SMYD3: variants seen among roughly 807,000 people sequenced by gnomAD.
SMYD3 encodes the protein SET and MYND domain containing 3.
Under a neutral mutation model 57.7 loss-of-function variants are expected in SMYD3, and 36 were observed. The observed-to-expected ratio is 0.62, with a 90% CI of 0.48 to 0.82. SMYD3 has a LOEUF of 0.82. Ranked by LOEUF, SMYD3 falls within the 40% of genes least tolerant of loss-of-function variation. The pLI is 0.00. For missense variants in SMYD3, 515 were observed against 538.8 expected, an observed-to-expected ratio of 0.96 and a Z score of 0.44; for synonymous variants, 211 against 195.0, an observed-to-expected ratio of 1.08 and a Z score of -0.68.
intron 5 of SMYD3, among the ~76,000 whole-genome samples, chr1:246,134,387 T>C (rs2061635001): frequency 6.6e-6 from 1 of 152,092 alleles, no homozygotes; most frequent in African/African-American, 2.4e-5. Flanking sequence ...ATGTATTCAA[T>C]TCAGCTAGAT....
At chr1:246,446,424 G>A (rs1055104818) in intron 1 of SMYD3, among the ~76,000 whole-genome samples, 4 of 152,222 alleles carry the variant, frequency 2.6e-5, no homozygotes, top group Admixed American at 6.5e-5. Flanking sequence ...TTCAAAGAAT[G>A]TCAAAAATGA....
At position 245,805,267 on chromosome 1, in the gene SMYD3, G is replaced by A. The variant is rs988244163; in HGVS notation, c.1077-41118C>T. On this transcript the variant is annotated intron_variant, in intron 10 of 11. Transcript: ENST00000490107. Reference sequence around the variant, plus strand: ...ATCAAATGTTGATAATATAAGAGAGGGGCAAGTTTATTATGTCCTCATCAG... The same window carrying A: ...ATCAAATGTTGATAATATAAGAGAGAGGCAAGTTTATTATGTCCTCATCAG... Among the ~76,000 whole-genome samples the A allele has an allele frequency of 4.6e-5, 7 of 150,782 alleles. 1 individual carries two copies. Among genetic ancestry groups the A allele is most frequent in the Admixed American group, 4.6e-4 (7 of 15,260 alleles).
chr1:246,107,870 C>T (rs1362729612), intron 5 of SMYD3, among the ~76,000 whole-genome samples: 1 of 152,200 alleles, frequency 6.6e-6, no homozygotes, highest in East Asian at 1.9e-4. Context: ...AAAGGAATTA[C>T]TGTTTACACC....
At chr1:246,384,773 G>T (rs2066447793) in intron 1 of SMYD3, among the ~76,000 whole-genome samples, 1 of 152,132 alleles carries the variant, frequency 6.6e-6, no homozygotes, top group African/African-American at 2.4e-5. Flanking sequence ...CCTAGGTTTG[G>T]AAGAAAAATT....
Position 245,982,144 on chromosome 1 carries a change from C to T in SMYD3, c.532-52207G>A, listed in dbSNP as rs146259603. ...GCACAGCTGTAATAGAATCACATTT[C>T]GAGTTTTTGAGACAGGATCTTGTTC... On this transcript the variant is annotated intron_variant, in intron 5 of 11. Coordinates refer to ENST00000490107, the MANE Select transcript of SMYD3 (RefSeq NM_001167740.2). Among the ~76,000 whole-genome samples, 629 of 150,230 alleles carry T rather than the reference C, an allele frequency of 4.2e-3. 9 individuals carry two copies. The highest frequency in any genetic ancestry group is 0.013 in the African/African-American group (553 of 41,446).
intron 5 of SMYD3, among the ~76,000 whole-genome samples, chr1:246,002,460 A>G (rs1156300054): frequency 2.0e-5 from 1 of 50,856 alleles, no homozygotes; most frequent in African/African-American, 5.7e-5. Flanking sequence ...CTGGGATTAC[A>G]GGCGCCCGCC....
intron 7 of SMYD3, among the ~76,000 whole-genome samples, chr1:245,927,156 C>A (rs946804224): frequency 6.6e-6 from 1 of 152,186 alleles, no homozygotes; most frequent in African/African-American, 2.4e-5. Flanking sequence ...GAGAAGGAAA[C>A]GGGGTTCTGG....
rs189567769 is a variant in SMYD3 at position 245,920,138 on chromosome 1, C to T, written c.703-4498G>A. Among the ~76,000 whole-genome samples, 192 of 151,958 alleles carry T rather than the reference C, an allele frequency of 1.3e-3. 5 individuals carry two copies. The East Asian group carries it at 0.029, about 23-fold the overall frequency. On this transcript the variant is annotated intron_variant, in intron 7 of 11. Transcript: ENST00000490107. ...ACCATCCTGGCTAACACGGTGAAAC[C>T]CCGTCTCTACTAAAAATACAAAAAA...
chr1:245,861,703 T>C (rs1217768821), intron 9 of SMYD3, among the ~76,000 whole-genome samples: 2 of 152,178 alleles, frequency 1.3e-5, no homozygotes, highest in Non-Finnish European at 2.9e-5. Flanking sequence ...CTCCCACTAA[T>C]CCTCCCAGAC....
chr1:246,083,510 G>GCGTGGGTCCTCCGTATGCTGA (rs1553283939), intron 5 of SMYD3, among the ~76,000 whole-genome samples: 2 of 142,016 alleles, frequency 1.4e-5, no homozygotes, highest in Non-Finnish European at 3.0e-5. Context: ...GGCTGGTGCC[G>GCGTGGGTCCTCCGTATGCTGA]GCGCGGGTCC....
At chr1:246,064,062 G>C (rs2060300773) in intron 5 of SMYD3, among the ~76,000 whole-genome samples, 1 of 152,090 alleles carries the variant, frequency 6.6e-6, no homozygotes, top group Non-Finnish European at 1.5e-5. Flanking sequence ...ATCTCTTCTA[G>C]GCCAAATCCT....
Position 246,506,995 on chromosome 1 carries a change from C to T in SMYD3, c.164+59G>A, listed in dbSNP as rs907796506. The T allele has an allele frequency of 1.7e-5, 14 of 825,398 alleles. 1 individual carries two copies. The highest frequency in any genetic ancestry group is 1.5e-4 in the East Asian group (3 of 20,372). 51.1% of individuals were successfully genotyped at this position (825,398 alleles called of 1,614,324 possible). A position where few individuals can be genotyped will look rare whatever the true frequency, so the allele number is the denominator to read the frequency against. On this transcript the variant is annotated intron_variant, in intron 1 of 11. Coordinates refer to ENST00000490107, the MANE Select transcript of SMYD3 (RefSeq NM_001167740.2). ...CGGCTGCCGGCCGCCCGACGCCCCC[C>T]CCTCCCCAGCACCCCACACAGCTCG...
At chr1:245,850,390 T>C (rs753386216) in intron 10 of SMYD3, among the ~76,000 whole-genome samples, 1 of 152,158 alleles carries the variant, frequency 6.6e-6, no homozygotes, top group Non-Finnish European at 1.5e-5. Context: ...GAGTTTAAGT[T>C]TGATTCTAAA....
intron 5 of SMYD3, among the ~76,000 whole-genome samples, chr1:245,957,698 A>G (rs2057888020): frequency 6.6e-6 from 1 of 152,162 alleles, no homozygotes. Flanking sequence ...TTTCCTCCAT[A>G]TACGTCAACC....
chr1:246,477,396 C>T (rs143441777), intron 1 of SMYD3, among the ~76,000 whole-genome samples: 422 of 152,296 alleles, frequency 2.8e-3, no homozygotes, highest in African/African-American at 9.9e-3. Flanking sequence ...TCTCTTAACA[C>T]GACTATATTC....
chr1:246,204,170 A>G (rs1005300854), intron 5 of SMYD3, among the ~76,000 whole-genome samples: 4 of 152,176 alleles, frequency 2.6e-5, no homozygotes, highest in African/African-American at 9.7e-5. Context: ...ACTCCCCCCA[A>G]AAACTGTAAG....
intron 5 of SMYD3, among the ~76,000 whole-genome samples, chr1:246,097,812 G>A (rs1021804005): frequency 1.3e-5 from 2 of 152,158 alleles, no homozygotes; most frequent in African/African-American, 2.4e-5. Flanking sequence ...ACCTGCATCA[G>A]CCTTCCTTAG....
At chr1:245,870,794 G>A (rs1337788896) in intron 8 of SMYD3, among the ~76,000 whole-genome samples, 2 of 151,152 alleles carry the variant, frequency 1.3e-5, no homozygotes, top group Non-Finnish European at 2.9e-5. Flanking sequence ...GGCTAGCTGA[G>A]TATAAACTTG....
chr1:245,938,274 T>C (rs772112261), intron 5 of SMYD3, among the ~76,000 whole-genome samples: 3 of 152,048 alleles, frequency 2.0e-5, no homozygotes, highest in Non-Finnish European at 4.4e-5. Context: ...ATGAAGGTAT[T>C]TTGGGGACTA....
Sources: allele counts gnomAD v4.1 joint callset (sites outside exome capture counted in the v4.1 genomes callset), GRCh38; gene constraint gnomAD v4.1.1; transcripts MANE v1.5; gene names NCBI Gene and HGNC (gene_info 2026-07-23, HGNC 2026-07-21).